PCDHA2: variants seen among roughly 807,000 people sequenced by gnomAD.
PCDHA2 encodes the protein protocadherin alpha-2.
Under a neutral mutation model 66.0 loss-of-function variants are expected in PCDHA2, and 58 were observed. The ratio of observed to expected loss-of-function variants is 0.88; its 90% confidence interval spans 0.71 to 1.09. The LOEUF (loss-of-function observed/expected upper bound fraction) is 1.09. Among genes scored for constraint, PCDHA2 ranks in the 50% least tolerant of loss-of-function variants. The pLI is 0.00. For missense variants in PCDHA2, 1,267 were observed against 1,242.3 expected (o/e 1.02, Z -0.30); for synonymous variants, 634 against 554.0 (o/e 1.14, Z -2.03).
At position 140,841,557 on chromosome 5, in the gene PCDHA2, T is replaced by A. The variant is rs2150318209; in HGVS notation, c.2388+44205T>A. On this transcript the variant is annotated intron_variant, in intron 1 of 3. Coordinates refer to ENST00000526136, the MANE Select transcript of PCDHA2 (RefSeq NM_018905.3). The stretch of plus-strand genomic sequence containing the variant: ...CACCGGGACCTTCTGGAGGTAAGTC[T>A]GCAGAATGGCATTTTGTTTGTGAAT... The A allele has an allele frequency of 2.5e-6, 4 of 1,613,864 alleles. No individual in the cohort carries two copies. The East Asian group carries it at 8.9e-5, about 36-fold the overall frequency.
At chr5:140,831,247 T>C (rs752027104) in intron 1 of PCDHA2, 1 of 152,234 alleles carries the variant, frequency 6.6e-6, no homozygotes, top group Admixed American at 6.6e-5. Flanking sequence ...TGCGGCTCTC[T>C]TATTTCTGTT....
At chr5:140,882,491 C>T (rs782462724) in intron 1 of PCDHA2, 1 of 1,614,078 alleles carries the variant, frequency 6.2e-7, no homozygotes, top group South Asian at 1.1e-5. Flanking sequence ...CGGGGACCTT[C>T]TGGAGGTAAA....
chr5:140,910,053 G>C (rs2074856503), intron 1 of PCDHA2, among the ~76,000 whole-genome samples: 1 of 152,170 alleles, frequency 6.6e-6, no homozygotes, highest in Non-Finnish European at 1.5e-5. Context: ...CATAATAAGT[G>C]ATCTTTTAAC....
intron 1 of PCDHA2, chr5:140,969,237 C>T (rs1278018540): frequency 6.2e-7 from 1 of 1,614,156 alleles, no homozygotes; most frequent in African/African-American, 1.3e-5. Flanking sequence ...GGAGCCCAAG[C>T]AGCAGTGACT....
intron 1 of PCDHA2, chr5:140,857,554 G>C: frequency 1.3e-6 from 2 of 1,596,880 alleles, no homozygotes; most frequent in Non-Finnish European, 1.7e-6. Flanking sequence ...GCGAGCGCTC[G>C]CTGTCGAGCT....
rs376943163 is a variant in PCDHA2 at position 140,883,718 on chromosome 5, G to C, written c.2388+86366G>C. On this transcript the variant is annotated intron_variant, in intron 1 of 3. Coordinates refer to ENST00000526136, the MANE Select transcript of PCDHA2 (RefSeq NM_018905.3). The stretch of plus-strand genomic sequence containing the variant: ...CACGGTGTCTGCTCAGGACGCGGAC[G>C]CACAGGAGAACGCGCTGGTCTCCTA... The C allele has an allele frequency of 5.0e-5, 81 of 1,613,524 alleles. No homozygotes were observed. Among genetic ancestry groups the C allele is most frequent in the Non-Finnish European group, 6.4e-5 (75 of 1,179,854 alleles).
At chr5:141,002,134 C>T (rs1477082485) in intron 3 of PCDHA2, among the ~76,000 whole-genome samples, 1 of 152,216 alleles carries the variant, frequency 6.6e-6, no homozygotes, top group African/African-American at 2.4e-5. Flanking sequence ...TAGCCTTTGC[C>T]GGCTGCACTG....
Position 140,958,548 on chromosome 5 carries a change from A to G in PCDHA2, c.2389-20401A>G, listed in dbSNP as rs185504563. The stretch of plus-strand genomic sequence containing the variant: ...TATGTGTACATTGATTTATGAACCA[A>G]TAAATGTTTCATACACAGTTGAGAT... On this transcript the variant is annotated intron_variant, in intron 1 of 3. Transcript: ENST00000526136. Among the ~76,000 whole-genome samples the G allele has an allele frequency of 5.4e-3, 828 of 152,296 alleles. 8 individuals are homozygous for G. Among genetic ancestry groups the G allele is most frequent in the South Asian group, 1.0e-2 (48 of 4,822 alleles).
chr5:140,891,374 A>G (rs960838202), intron 1 of PCDHA2, among the ~76,000 whole-genome samples: 11 of 151,996 alleles, frequency 7.2e-5, no homozygotes, highest in Non-Finnish European at 1.3e-4. Flanking sequence ...TATACATTGC[A>G]CCATATTTGC....
intron 1 of PCDHA2, chr5:140,884,429 C>G: frequency 6.2e-7 from 1 of 1,613,964 alleles, no homozygotes. Flanking sequence ...GTATACTGCG[C>G]TGCGGTGCTC....
intron 1 of PCDHA2, chr5:140,823,005 C>A (rs2150121169): frequency 1.9e-6 from 3 of 1,614,228 alleles, no homozygotes; most frequent in South Asian, 1.1e-5. Flanking sequence ...TGCTGGACAG[C>A]GCCCTGGACC....
At chr5:140,875,807 G>A in intron 1 of PCDHA2, 1 of 1,614,206 alleles carries the variant, frequency 6.2e-7, no homozygotes, top group South Asian at 1.1e-5. Flanking sequence ...ATCGTGGACA[G>A]GCCGCTGCAG....
intron 1 of PCDHA2, among the ~76,000 whole-genome samples, chr5:140,963,606 G>A (rs79307503): frequency 0.011 from 1,749 of 152,250 alleles, 32 homozygotes; most frequent in African/African-American, 0.039. Context: ...AGACGTAATT[G>A]GGAAAGCTTA....
Position 140,801,979 on chromosome 5 carries a change from T to C in PCDHA2, c.2388+4627T>C, listed in dbSNP as rs782630700. 2.3e-5 allele frequency: 37 copies of C among 1,614,090 alleles called. No homozygotes were observed. Among genetic ancestry groups the C allele is most frequent in the Non-Finnish European group, 2.8e-5 (33 of 1,180,044 alleles). On this transcript the variant is annotated intron_variant, in intron 1 of 3. Transcript: ENST00000526136. ...GAAAATGCACCAAATGGTACCCTAG[T>C]GGTGACCGTTAACGCCACCGATTTG...
intron 1 of PCDHA2, among the ~76,000 whole-genome samples, chr5:140,960,254 C>T (rs2095534958): frequency 6.6e-6 from 1 of 152,138 alleles, no homozygotes; most frequent in South Asian, 2.1e-4. Flanking sequence ...CTTCCTGGAG[C>T]TTCTGATAAA....
chr5:140,849,995 C>A lies in PCDHA2; in HGVS notation c.2388+52643C>A, dbSNP rs2150462177. ...ACTCGCTGGTGGAGCGGCGGTTGGG[C>A]GAGCGCTCGCTGTCGAGCTACGTGT... On this transcript the variant is annotated intron_variant, in intron 1 of 3. Transcript: ENST00000526136. 5.0e-6 allele frequency: 8 copies of A among 1,597,088 alleles called. 1 individual carries two copies. The East Asian group carries it at 1.3e-4, about 27-fold the overall frequency.
chr5:140,966,613 A>T, intron 1 of PCDHA2: 1 of 756,596 alleles, frequency 1.3e-6, no homozygotes, highest in Non-Finnish European at 1.9e-6. Flanking sequence ...GGGAGGGCCT[A>T]CGGAGGGAGC....
At chr5:140,872,114 AG>A (rs1261193633) in intron 1 of PCDHA2, among the ~76,000 whole-genome samples, 1 of 151,936 alleles carries the variant, frequency 6.6e-6, no homozygotes, top group African/African-American at 2.4e-5. Context: ...TCCTAACTTC[AG>A]GCTTGTATCA....
At chr5:140,852,945 C>G in intron 1 of PCDHA2, 1 of 522,890 alleles carries the variant, frequency 1.9e-6, no homozygotes, top group Non-Finnish European at 2.5e-6. Context: ...GTGGTGCCAT[C>G]TTGGCTCACT....
Sources: allele counts gnomAD v4.1 joint callset (sites outside exome capture counted in the v4.1 genomes callset), GRCh38; gene constraint gnomAD v4.1.1; transcripts MANE v1.5; gene names NCBI Gene and HGNC (gene_info 2026-07-23, HGNC 2026-07-21).